REPS2: variants seen among roughly 807,000 people sequenced by gnomAD.
REPS2 encodes ralBP1-associated Eps domain-containing protein 2.
Under a neutral mutation model 53.6 loss-of-function variants are expected in REPS2, and 23 were observed. The ratio of observed to expected loss-of-function variants is 0.43; its 90% CI spans 0.31 to 0.61. REPS2 has a LOEUF of 0.61. Ranked by LOEUF, REPS2 falls within the 20% of genes least tolerant of loss-of-function variation. The pLI is 0.11. For missense variants in REPS2, 446 were observed against 534.9 expected (o/e 0.83, Z 1.64); for synonymous variants, 238 against 218.6 (o/e 1.09, Z -0.78).
At chrX:17,136,644 A>T (rs2063369752) in intron 16 of REPS2, 1 of 112,478 alleles carries the variant, frequency 8.9e-6, no homozygotes, top group South Asian at 3.7e-4. Flanking sequence ...GCTTTATTGC[A>T]ATATAATTCA....
At chrX:17,180,839 G>A in the REPS2 span, among the ~76,000 whole-genome samples, 1 of 111,369 alleles carries the variant, frequency 9.0e-6, no homozygotes, top group Non-Finnish European at 1.9e-5. Context: ...TGTTTTACAT[G>A]TATTATCACA....
chrX:17,145,704 C>T (rs2063503505), intron 17 of REPS2, among the ~76,000 whole-genome samples: 1 of 111,553 alleles, frequency 9.0e-6, no homozygotes, highest in Non-Finnish European at 1.9e-5. Context: ...CAGTAACCTC[C>T]CAGTTGCTCC....
chrX:17,150,871 G>T lies in REPS2; in HGVS notation c.*3390G>T, dbSNP rs905985802. The T allele has an allele frequency of 2.7e-5, 3 of 110,395 alleles. No individual in the cohort carries two copies. The highest frequency in any genetic ancestry group is 9.9e-5 in the African/African-American group (3 of 30,289). The allele number at this position is 110,395 out of a possible 1,213,427, so 9.1% of individuals were successfully genotyped here. ...TCAATACTAAAAATAGATTAGGAGGGTTTTTTTTTCTGTTTATCATGTTGA... is the reference window on the plus strand; with the variant it reads ...TCAATACTAAAAATAGATTAGGAGGTTTTTTTTTTCTGTTTATCATGTTGA... On this transcript the variant is annotated 3_prime_UTR_variant, in exon 18 of 18. Transcript: ENST00000357277.
chrX:17,094,038 TC>T (rs2062663726), intron 13 of REPS2, among the ~76,000 whole-genome samples: 1 of 112,007 alleles, frequency 8.9e-6, no homozygotes, highest in Non-Finnish European at 1.9e-5. Flanking sequence ...TTCCTCTTTT[TC>T]CCATGTTGGA....
downstream of REPS2, among the ~76,000 whole-genome samples, chrX:17,156,838 G>C (rs936436249): frequency 8.9e-6 from 1 of 112,033 alleles, no homozygotes; most frequent in African/African-American, 3.2e-5. Flanking sequence ...AAATTGGCTT[G>C]AACTTCAACC....
At chrX:17,022,445 G>C (rs776895464) in intron 3 of REPS2, 174 bp downstream of exon 3, 4 of 377,808 alleles carry the variant, frequency 1.1e-5, no homozygotes, top group African/African-American at 1.0e-4. Flanking sequence ...CGACACATAT[G>C]AATCACCACC....
chrX:17,173,988 A>G, the REPS2 span, among the ~76,000 whole-genome samples: 6 of 110,960 alleles, frequency 5.4e-5, no homozygotes, highest in Admixed American at 5.8e-4. Context: ...GTGCTTGAAT[A>G]ATCCTGGGCA....
intron 1 of REPS2, among the ~76,000 whole-genome samples, chrX:16,985,222 G>A (rs1263675479): frequency 2.7e-5 from 3 of 111,685 alleles, no homozygotes; most frequent in African/African-American, 9.8e-5. Context: ...ACTTGATTTT[G>A]AGCTTTTGGG....
At chrX:17,061,861 G>A (rs766592945) in intron 8 of REPS2, among the ~76,000 whole-genome samples, 1 of 112,245 alleles carries the variant, frequency 8.9e-6, no homozygotes, top group Non-Finnish European at 1.9e-5. Flanking sequence ...AACCCTTAAT[G>A]TGATTCTTTT....
chrX:16,969,221 A>C (rs1228457599), intron 1 of REPS2, among the ~76,000 whole-genome samples: 2 of 109,232 alleles, frequency 1.8e-5, no homozygotes, highest in Non-Finnish European at 3.8e-5. Context: ...GGCCAGGCAG[A>C]GACGCTCCTC....
intron 17 of REPS2, among the ~76,000 whole-genome samples, chrX:17,145,726 T>C (rs2063504130): frequency 9.0e-6 from 1 of 111,635 alleles, no homozygotes; most frequent in Non-Finnish European, 1.9e-5. Context: ...CTGCTTCCAC[T>C]CTCATCCTGC....
chrX:17,168,405 T>G, the REPS2 span, among the ~76,000 whole-genome samples: 1 of 111,275 alleles, frequency 9.0e-6, no homozygotes, highest in African/African-American at 3.3e-5. Flanking sequence ...TCCCAGCTAC[T>G]TGGGAGGCTG....
intron 1 of REPS2, among the ~76,000 whole-genome samples, chrX:16,999,634 C>T (rs2061276637): frequency 9.0e-6 from 1 of 111,299 alleles, no homozygotes; most frequent in Non-Finnish European, 1.9e-5. Flanking sequence ...AATGTTGCTT[C>T]CAAAATTGAT....
intron 14 of REPS2, among the ~76,000 whole-genome samples, chrX:17,118,251 G>A (rs1243152865): frequency 1.8e-5 from 2 of 110,242 alleles, no homozygotes; most frequent in Admixed American, 1.9e-4. Flanking sequence ...GAGCCACCGC[G>A]CCCGGCCGTT....
In REPS2 at chrX:17,074,173, A is replaced by C; in HGVS notation, c.1379+14A>C. On this transcript the variant is annotated intron_variant, in intron 12 of 17. Transcript: ENST00000357277. The stretch of plus-strand genomic sequence containing the variant: ...ACCAAGATCCAGGTAGTGTTCGTTT[A>C]ATTTCTGCTTTAATGCCCTTTGTGC... 5 of 1,203,755 alleles carry C rather than the reference A, an allele frequency of 4.2e-6. No individual in the cohort carries two copies. The highest frequency in any genetic ancestry group is 5.6e-6 in the Non-Finnish European group (5 of 888,692).
chrX:16,964,170 C>A (rs901903553), intron 1 of REPS2, among the ~76,000 whole-genome samples: 1 of 107,222 alleles, frequency 9.3e-6, no homozygotes, highest in African/African-American at 3.4e-5. Context: ...GGCAGAGGAC[C>A]CTGCCGCCTT....
At chrX:17,194,833 A>G in the REPS2 span, among the ~76,000 whole-genome samples, 1 of 112,040 alleles carries the variant, frequency 8.9e-6, no homozygotes, top group Admixed American at 9.5e-5. Flanking sequence ...GAAACTGGTT[A>G]AAGGGCATGT....
chrX:16,994,431 A>G (rs1475176832), intron 1 of REPS2, among the ~76,000 whole-genome samples: 1 of 111,038 alleles, frequency 9.0e-6, no homozygotes, highest in Non-Finnish European at 1.9e-5. Flanking sequence ...GCACACACAC[A>G]TATATATACA....
At chrX:17,183,633 C>G in the REPS2 span, among the ~76,000 whole-genome samples, 4 of 112,263 alleles carry the variant, frequency 3.6e-5, no homozygotes, top group African/African-American at 1.3e-4. Context: ...CTGGACCTTA[C>G]AACAGCCTCC....
Sources: allele counts gnomAD v4.1 joint callset (sites outside exome capture counted in the v4.1 genomes callset), GRCh38; gene constraint gnomAD v4.1.1; transcripts MANE v1.5; gene names NCBI Gene and HGNC (gene_info 2026-07-23, HGNC 2026-07-21).